Variants in DYNC1LI1 observed in about 807,000 individuals in gnomAD.
DYNC1LI1 encodes dynein cytoplasmic 1 light intermediate chain 1, also known as cytoplasmic dynein 1 light intermediate chain 1.
A neutral mutation model predicts 63.8 loss-of-function variants in DYNC1LI1; 19 were observed. The ratio of observed to expected loss-of-function variants is 0.30; its 90% CI spans 0.21 to 0.44. DYNC1LI1 has a LOEUF of 0.44. Ranked by LOEUF, DYNC1LI1 falls within the 20% of genes least tolerant of loss-of-function variation. The pLI is 1.00. For synonymous variants in DYNC1LI1, 225 were observed against 232.3 expected, an observed-to-expected ratio of 0.97 and a Z score of 0.28; for missense variants, 565 against 630.2, an observed-to-expected ratio of 0.90 and a Z score of 1.11.
chr3:32,554,806 C>G (rs549266516), intron 2 of DYNC1LI1, among the ~76,000 whole-genome samples: 9 of 151,442 alleles, frequency 5.9e-5, no homozygotes, highest in Admixed American at 1.3e-4. Flanking sequence ...CTATCAACCA[C>G]TCTTCCTCCT....
chr3:32,547,336 G>A (rs1232203545), intron 2 of DYNC1LI1, among the ~76,000 whole-genome samples: 1 of 152,132 alleles, frequency 6.6e-6, no homozygotes, highest in Non-Finnish European at 1.5e-5. Context: ...ACATGTTACT[G>A]TTCATGGACT....
In DYNC1LI1 at chr3:32,548,038, G is replaced by T. The variant is rs77453047; in HGVS notation, c.221-2073C>A. On this transcript the variant is annotated intron_variant, in intron 2 of 12. Coordinates refer to ENST00000273130, the MANE Select transcript of DYNC1LI1 (RefSeq NM_016141.4). Reference sequence around the variant, plus strand: ...ATATATATTATACACACACATACTCGCAATGCAATACTATTTAGCCTCAAA... The same window carrying T: ...ATATATATTATACACACACATACTCTCAATGCAATACTATTTAGCCTCAAA... Among the ~76,000 whole-genome samples, 1,369 of 151,736 alleles carry T rather than the reference G, an allele frequency of 9.0e-3. 30 individuals carry two copies. The highest frequency in any genetic ancestry group is 0.031 in the African/African-American group (1,300 of 41,372).
intron 6 of DYNC1LI1, 45 bp downstream of exon 6, chr3:32,536,966 A>T: frequency 8.9e-7 from 1 of 1,117,468 alleles, no homozygotes; most frequent in Non-Finnish European, 1.3e-6. Flanking sequence ...AAACTAAAAC[A>T]GGTAAAGTGA....
At position 32,529,605 on chromosome 3, in the gene DYNC1LI1, G is replaced by A; in HGVS notation, c.1241C>T (p.Ser414Leu). The change falls in exon 11 of 13, where the codon TCA (serine) becomes TTA (leucine). Residue 414 changes from serine (S) to leucine (L), a missense_variant. By Grantham distance (145) the Ser-to-Leu change is moderately radical. Transcript: ENST00000273130. Reference sequence around the variant, plus strand: ...GGGTGACACGCTGGCAACATTAGATGATACAGATCTATTTGGTGTTCGTGG... The same window carrying A: ...GGGTGACACGCTGGCAACATTAGATAATACAGATCTATTTGGTGTTCGTGG... ...GSPRTPNRSV[S>L]SNVASVSPIP... is the part of the protein sequence containing the mutation. 6.2e-7 allele frequency: 1 copy of A among 1,610,252 alleles called. No homozygotes were observed. Among genetic ancestry groups the A allele is most frequent in the African/African-American group, 1.3e-5 (1 of 74,932 alleles).
rs1697761691 is a variant in DYNC1LI1, at chr3:32,535,479, T to TA, written c.833-834dup. ...GTACAGTCTAACTTCTTAACTGGGA[T>TA]ACTCATATTTTCTGGGACATGACCT... On this transcript the variant is annotated intron_variant, in intron 6 of 12. Transcript: ENST00000273130. Among the ~76,000 whole-genome samples, 2 of 152,210 alleles carry TA rather than the reference T, an allele frequency of 1.3e-5. 1 individual carries two copies. The highest frequency in any genetic ancestry group is 4.1e-4 in the South Asian group (2 of 4,832).
intron 2 of DYNC1LI1, among the ~76,000 whole-genome samples, chr3:32,558,830 G>T (rs983452835): frequency 8.9e-5 from 13 of 146,852 alleles, no homozygotes; most frequent in Non-Finnish European, 1.5e-4. Flanking sequence ...TGGGCAACAA[G>T]AGCAAAACTC....
intron 2 of DYNC1LI1, among the ~76,000 whole-genome samples, chr3:32,548,128 A>G (rs1312532356): frequency 6.6e-6 from 1 of 152,044 alleles, no homozygotes; most frequent in East Asian, 1.9e-4. Flanking sequence ...CATTATGTTA[A>G]ATCAGGGGTC....
At chr3:32,566,452 C>T (rs902675405) in intron 2 of DYNC1LI1, among the ~76,000 whole-genome samples, 1 of 152,112 alleles carries the variant, frequency 6.6e-6, no homozygotes, top group African/African-American at 2.4e-5. Flanking sequence ...TTAAAGGCAG[C>T]TATTAAAATA....
At chr3:32,566,575 C>CTACTGTCTCTACTATTTTACTACTG in intron 2 of DYNC1LI1, 1 of 275,250 alleles carries the variant, frequency 3.6e-6, no homozygotes, top group Non-Finnish European at 7.3e-6. Context: ...ACTGTCTCTA[C>CTACTGTCTCTACTATTTTACTACTG]TAAAAATACA....
At chr3:32,547,110 G>A (rs549302308) in intron 2 of DYNC1LI1, among the ~76,000 whole-genome samples, 1 of 152,164 alleles carries the variant, frequency 6.6e-6, no homozygotes, top group East Asian at 1.9e-4. Context: ...GGGCACAGTG[G>A]CGCGCATCTG....
At chr3:32,546,973 G>A (rs963410605) in intron 2 of DYNC1LI1, among the ~76,000 whole-genome samples, 7 of 152,126 alleles carry the variant, frequency 4.6e-5, no homozygotes, top group African/African-American at 1.7e-4. Flanking sequence ...GGCCAGGCGC[G>A]GTGGCTCACG....
intron 10 of DYNC1LI1, among the ~76,000 whole-genome samples, chr3:32,530,066 A>G (rs1559433565): frequency 6.6e-6 from 1 of 152,224 alleles, no homozygotes; most frequent in Non-Finnish European, 1.5e-5. Flanking sequence ...GGCGGTTGTG[A>G]GAATTTGTAA....
chr3:32,566,127 C>G (rs902027970), intron 2 of DYNC1LI1, among the ~76,000 whole-genome samples: 1 of 151,996 alleles, frequency 6.6e-6, no homozygotes, highest in African/African-American at 2.4e-5. Flanking sequence ...CAAAAACTGG[C>G]TAGGAGTGGT....
intron 2 of DYNC1LI1, among the ~76,000 whole-genome samples, chr3:32,553,311 G>A (rs192022644): frequency 6.6e-6 from 1 of 152,052 alleles, no homozygotes; most frequent in Non-Finnish European, 1.5e-5. Flanking sequence ...ACTCCAGCCC[G>A]GGAAGCAGAG....
chr3:32,548,385 G>A (rs1021006517), intron 2 of DYNC1LI1, among the ~76,000 whole-genome samples: 3 of 152,162 alleles, frequency 2.0e-5, no homozygotes, highest in Non-Finnish European at 2.9e-5. Context: ...GTTTCATCCT[G>A]AAACGTCCCC....
At position 32,538,034 on chromosome 3, in the gene DYNC1LI1, A is replaced by ATAATTTATTAT. The variant is rs1491520089; in HGVS notation, c.739-931_739-930insATAATAAATTA. ...ATATATATATATAATTTATATATAT[A>ATAATTTATTAT]ATATATATATATAATTATATATATA... On this transcript the variant is annotated intron_variant, in intron 5 of 12. Transcript: ENST00000273130. Among the ~76,000 whole-genome samples, 9 of 10,092 alleles carry ATAATTTATTAT rather than the reference A, an allele frequency of 8.9e-4. 1 individual carries two copies. In the African/African-American group the frequency reaches 0.01, roughly 11 times the overall value. The allele number at this position is 10,092 out of a possible 152,430, so 6.6% of individuals were successfully genotyped here.
chr3:32,559,289 G>A (rs993304383), intron 2 of DYNC1LI1, among the ~76,000 whole-genome samples: 7 of 152,042 alleles, frequency 4.6e-5, no homozygotes, highest in African/African-American at 1.7e-4. Flanking sequence ...TGCCCAGGCT[G>A]GAGTGCAGTG....
intron 2 of DYNC1LI1, among the ~76,000 whole-genome samples, chr3:32,566,226 T>G (rs1698257823): frequency 6.7e-6 from 1 of 148,418 alleles, no homozygotes; most frequent in Non-Finnish European, 1.5e-5. Context: ...GAGCCGAGAT[T>G]ATGCCACTAC....
At chr3:32,570,466 G>C in intron 1 of DYNC1LI1, 47 bp from the exon 2 acceptor site, 1 of 1,534,728 alleles carries the variant, frequency 6.5e-7, no homozygotes, top group Non-Finnish European at 8.8e-7. Flanking sequence ...CGGAGCCGCA[G>C]CGCGGGAGGG....
Sources: gnomAD v4.1 joint callset for allele counts (sites outside exome capture counted in the v4.1 genomes callset) on GRCh38, gnomAD v4.1.1 for gene constraint, MANE v1.5 for transcripts, NCBI Gene and HGNC (gene_info 2026-07-23, HGNC 2026-07-21) for gene names.